The following NXPE2 variants were observed in gnomAD, a reference collection of about 807,000 sequenced individuals.
NXPE2 encodes the protein neurexophilin and PC-esterase domain family member 2, also known as NXPE family member 2.
In NXPE2, 34 loss-of-function variants were observed where a neutral mutation model predicts 34.4. The observed-to-expected ratio is 0.99, with a 90% CI of 0.75 to 1.31. The LOEUF is 1.31. Among genes scored for constraint, NXPE2 ranks in the 40% most tolerant of loss-of-function variants. The probability of loss-of-function intolerance (pLI) is 0.00; values close to 1 mark genes in which losing one functional copy is unlikely to be tolerated. For synonymous variants in NXPE2, 235 were observed against 231.3 expected, an observed-to-expected ratio of 1.02 and a Z score of -0.15; for missense variants, 649 against 672.5, an observed-to-expected ratio of 0.97 and a Z score of 0.39.
chr11:114,806,920 A>C, the NXPE2 span, among the ~76,000 whole-genome samples: 2,511 of 152,292 alleles, frequency 0.016, 24 homozygotes, highest in Non-Finnish European at 0.026. Context: ...TGAAGGAAAA[A>C]ATGTTAAGGG....
At chr11:114,756,012 G>A in the NXPE2 span, among the ~76,000 whole-genome samples, 2 of 152,300 alleles carry the variant, frequency 1.3e-5, no homozygotes, top group South Asian at 4.1e-4. Context: ...AAGTCTTAGT[G>A]TCCATCACAT....
chr11:114,473,452 G>A, the NXPE2 span, among the ~76,000 whole-genome samples: 4 of 152,112 alleles, frequency 2.6e-5, no homozygotes, highest in South Asian at 4.1e-4. Flanking sequence ...TTTACTTTTC[G>A]CTAGGGCATT....
chr11:114,703,115 A>C (rs1951397153), intron 3 of NXPE2, among the ~76,000 whole-genome samples: 1 of 152,174 alleles, frequency 6.6e-6, no homozygotes, highest in Admixed American at 6.5e-5. Context: ...TATCTGAGGG[A>C]GATAACAGAC....
At chr11:114,607,290 A>T in the NXPE2 span, among the ~76,000 whole-genome samples, 3 of 151,970 alleles carry the variant, frequency 2.0e-5, no homozygotes, top group South Asian at 6.2e-4. Flanking sequence ...TGCCTGGTGG[A>T]TAGTTAGTAT....
the NXPE2 span, among the ~76,000 whole-genome samples, chr11:114,671,100 C>T: frequency 6.8e-6 from 1 of 147,030 alleles, no homozygotes; most frequent in Non-Finnish European, 1.5e-5. Context: ...TATATATAAA[C>T]AAAAATATCA....
At chr11:114,755,578 G>T in the NXPE2 span, among the ~76,000 whole-genome samples, 1 of 152,088 alleles carries the variant, frequency 6.6e-6, no homozygotes, top group Non-Finnish European at 1.5e-5. Context: ...TACCAGTTTT[G>T]CAGACAGCTT....
At chr11:114,740,106 A>G in the NXPE2 span, among the ~76,000 whole-genome samples, 1 of 152,216 alleles carries the variant, frequency 6.6e-6, no homozygotes, top group Admixed American at 6.5e-5. Context: ...TAGACCGTGT[A>G]AGAAATCGAG....
the NXPE2 span, among the ~76,000 whole-genome samples, chr11:114,577,326 A>G: frequency 6.6e-6 from 1 of 151,762 alleles, no homozygotes; most frequent in African/African-American, 2.4e-5. Flanking sequence ...GTATGTTCTC[A>G]CTCATATGTG....
chr11:114,580,062 C>T, the NXPE2 span: 1 of 1,292,992 alleles, frequency 7.7e-7, no homozygotes, highest in Non-Finnish European at 1.1e-6. Flanking sequence ...TCCCATATTC[C>T]CTTCTCCCCT....
At chr11:114,652,705 G>A in the NXPE2 span, among the ~76,000 whole-genome samples, 5 of 152,200 alleles carry the variant, frequency 3.3e-5, no homozygotes, top group African/African-American at 4.8e-5. Context: ...TAGAGAACCT[G>A]ACTTGCTGAA....
chr11:114,689,488 T>C (rs1951110580), intron 2 of NXPE2, among the ~76,000 whole-genome samples: 1 of 152,130 alleles, frequency 6.6e-6, no homozygotes, highest in Admixed American at 6.5e-5. Flanking sequence ...TTATTGAGAC[T>C]TGCTTTATAA....
chr11:114,699,745 AGTTGT>A (rs1951329649), intron 3 of NXPE2, among the ~76,000 whole-genome samples: 1 of 151,868 alleles, frequency 6.6e-6, no homozygotes, highest in African/African-American at 2.4e-5. Context: ...TCCTCTGTTA[AGTTGT>A]AAGCTCTGCG....
the NXPE2 span, among the ~76,000 whole-genome samples, chr11:114,777,766 C>A: frequency 6.6e-6 from 1 of 152,202 alleles, no homozygotes; most frequent in Admixed American, 6.5e-5. Flanking sequence ...CATCTGCTAC[C>A]TGTGTGGCTT....
the NXPE2 span, among the ~76,000 whole-genome samples, chr11:114,659,337 G>A: frequency 6.6e-6 from 1 of 152,030 alleles, no homozygotes; most frequent in African/African-American, 2.4e-5. Flanking sequence ...TCATCAAGAT[G>A]AAGTATCGTT....
the NXPE2 span, among the ~76,000 whole-genome samples, chr11:114,753,988 TGA>T: frequency 1.4e-5 from 1 of 72,228 alleles, no homozygotes; most frequent in African/African-American, 3.5e-5. Context: ...TGTGCCACAT[TGA>T]CTGGGTTTGA....
chr11:114,576,148 A>G, the NXPE2 span, among the ~76,000 whole-genome samples: 16 of 152,156 alleles, frequency 1.1e-4, no homozygotes, highest in Admixed American at 2.0e-4. Context: ...GGCAAGCCAC[A>G]TATAAAAGAA....
chr11:114,521,817 GT>G, the NXPE2 span: 1 of 603,022 alleles, frequency 1.7e-6, no homozygotes, highest in Non-Finnish European at 2.9e-6. Flanking sequence ...TCCCTTATCA[GT>G]TGTCATTGTC....
the NXPE2 span, among the ~76,000 whole-genome samples, chr11:114,740,993 TC>T: frequency 2.0e-5 from 3 of 152,208 alleles, no homozygotes; most frequent in Non-Finnish European, 4.4e-5. Context: ...CCTTGTTTAT[TC>T]CTTCATTTCT....
chr11:114,613,464 CATA>C, the NXPE2 span, among the ~76,000 whole-genome samples: 1 of 150,444 alleles, frequency 6.6e-6, no homozygotes. Flanking sequence ...TTACCTGCTG[CATA>C]ATAAGTATTG....
Sources: gnomAD v4.1 joint callset for allele counts (sites outside exome capture counted in the v4.1 genomes callset) on GRCh38, gnomAD v4.1.1 for gene constraint, MANE v1.5 for transcripts, NCBI Gene and HGNC (gene_info 2026-07-23, HGNC 2026-07-21) for gene names.